TRMT9B: variants seen among roughly 807,000 people sequenced by gnomAD.
TRMT9B encodes tRNA methyltransferase 9B (putative).
In TRMT9B, 16 loss-of-function variants were observed where a neutral mutation model predicts 11.5. The observed-to-expected ratio is 1.39, with a 90% CI of 0.94 to 2.11. The LOEUF is 2.11. Among genes scored for constraint, TRMT9B ranks in the 30% most tolerant of loss-of-function variants. TRMT9B has a pLI of 0.00. For missense variants in TRMT9B, 941 were observed against 553.8 expected, an observed-to-expected ratio of 1.70 and a Z score of -7.02; for synonymous variants, 274 against 192.4, an observed-to-expected ratio of 1.42 and a Z score of -3.51.
chr8:12,949,386 T>G (rs560848047), intron 1 of TRMT9B, among the ~76,000 whole-genome samples: 26 of 152,314 alleles, frequency 1.7e-4, no homozygotes, highest in African/African-American at 5.8e-4. Flanking sequence ...TCCTCCTTTT[T>G]GCTGAGATGT....
intron 1 of TRMT9B, chr8:12,952,343 G>T: frequency 3.1e-6 from 1 of 325,428 alleles, no homozygotes; most frequent in Non-Finnish European, 6.3e-6. Context: ...GCCCGCGCCC[G>T]GGTCTGGCCG....
chr8:12,974,161 C>T (rs983339193), intron 1 of TRMT9B, among the ~76,000 whole-genome samples: 1 of 150,878 alleles, frequency 6.6e-6, no homozygotes, highest in African/African-American at 2.4e-5. Context: ...ACAAGCAAGA[C>T]CCTGTCCCTT....
chr8:13,005,482 C>G (rs1744059530), intron 2 of TRMT9B, among the ~76,000 whole-genome samples: 1 of 152,090 alleles, frequency 6.6e-6, no homozygotes, highest in African/African-American at 2.4e-5. Flanking sequence ...GATGAACACC[C>G]CATTCTCCCT....
At chr8:13,017,830 C>T (rs1399145187) in intron 4 of TRMT9B, among the ~76,000 whole-genome samples, 1 of 151,116 alleles carries the variant, frequency 6.6e-6, no homozygotes, top group Non-Finnish European at 1.5e-5. Flanking sequence ...CACTATGTTG[C>T]CCAGGCTGGT....
At chr8:12,946,002 G>C (rs902980189) in intron 1 of TRMT9B, 36 bp downstream of exon 1, 1 of 152,122 alleles carries the variant, frequency 6.6e-6, no homozygotes, top group African/African-American at 2.4e-5. Flanking sequence ...CATTTTAGTT[G>C]TGATATTTGT....
chr8:13,007,479 G>T (rs1484959820), intron 3 of TRMT9B: 1 of 152,156 alleles, frequency 6.6e-6, no homozygotes, highest in African/African-American at 2.4e-5. Context: ...TAGTTGCAAA[G>T]TGTGTCTAGT....
chr8:12,965,184 C>G (rs200156254), intron 1 of TRMT9B, among the ~76,000 whole-genome samples: 1 of 152,232 alleles, frequency 6.6e-6, no homozygotes, highest in Non-Finnish European at 1.5e-5. Flanking sequence ...GGCACTTACT[C>G]AGAACCAAAA....
At chr8:12,958,194 C>T (rs367611132) in intron 1 of TRMT9B, among the ~76,000 whole-genome samples, 2 of 151,984 alleles carry the variant, frequency 1.3e-5, no homozygotes, top group Non-Finnish European at 2.9e-5. Context: ...GAATAATATC[C>T]CATTGTTTAC....
At chr8:12,986,142 A>T (rs569653914) in intron 1 of TRMT9B, among the ~76,000 whole-genome samples, 1 of 152,158 alleles carries the variant, frequency 6.6e-6, no homozygotes, top group Middle Eastern at 3.2e-3. Flanking sequence ...GATTACAGGC[A>T]TGAGCCACTG....
intron 1 of TRMT9B, among the ~76,000 whole-genome samples, chr8:12,957,720 T>C (rs1801497253): frequency 6.6e-6 from 1 of 152,224 alleles, no homozygotes. Flanking sequence ...GCTAGTATTA[T>C]AGCTTGATTG....
intron 3 of TRMT9B, chr8:13,007,123 T>A (rs1810625618): frequency 6.6e-6 from 1 of 152,272 alleles, no homozygotes; most frequent in Admixed American, 6.5e-5. Flanking sequence ...CCAAATGTGT[T>A]CTCCTCTGGT....
At chr8:12,985,935 A>G (rs541236442) in intron 1 of TRMT9B, among the ~76,000 whole-genome samples, 1 of 152,018 alleles carries the variant, frequency 6.6e-6, no homozygotes, top group South Asian at 2.1e-4. Context: ...ATCTTGGCTC[A>G]CTGCAACCTC....
intron 1 of TRMT9B, among the ~76,000 whole-genome samples, chr8:12,990,529 A>G (rs79594818): frequency 3.4e-3 from 517 of 152,340 alleles, no homozygotes; most frequent in Non-Finnish European, 6.5e-3. Flanking sequence ...TATTTATTTA[A>G]TTAAGCCCCT....
intron 2 of TRMT9B, among the ~76,000 whole-genome samples, chr8:13,002,280 T>G (rs1385080490): frequency 6.6e-6 from 1 of 152,196 alleles, no homozygotes; most frequent in Non-Finnish European, 1.5e-5. Flanking sequence ...CATTTCCAAG[T>G]GCAACAAAGA....
intron 1 of TRMT9B, among the ~76,000 whole-genome samples, chr8:12,966,898 C>A (rs1309584772): frequency 3.3e-5 from 5 of 152,178 alleles, no homozygotes; most frequent in Non-Finnish European, 1.5e-5. Flanking sequence ...CACATTCTTA[C>A]TACCTTGCTT....
At chr8:12,980,693 A>G (rs1359349994) in intron 1 of TRMT9B, among the ~76,000 whole-genome samples, 2 of 152,218 alleles carry the variant, frequency 1.3e-5, no homozygotes, top group Admixed American at 6.5e-5. Flanking sequence ...CGAATCCTAC[A>G]TGGGACACAA....
intron 3 of TRMT9B, among the ~76,000 whole-genome samples, chr8:13,007,968 G>C (rs532484197): frequency 1.3e-5 from 2 of 152,280 alleles, no homozygotes; most frequent in South Asian, 4.1e-4. Flanking sequence ...ATATACAGTT[G>C]ATTGCCATTA....
intron 1 of TRMT9B, among the ~76,000 whole-genome samples, chr8:12,948,736 G>A (rs957646225): frequency 2.6e-5 from 4 of 152,092 alleles, no homozygotes; most frequent in Admixed American, 1.3e-4. Context: ...CAAGGCGGGT[G>A]GATCACGAGG....
chr8:12,983,768 C>T (rs10282817), intron 1 of TRMT9B, among the ~76,000 whole-genome samples: 50,445 of 151,952 alleles, frequency 0.33, 9,428 homozygotes, highest in Middle Eastern at 0.52. Flanking sequence ...TTGCTTCTTG[C>T]CTCAAAAAAT....
Sources: gnomAD v4.1 joint callset for allele counts (sites outside exome capture counted in the v4.1 genomes callset) on GRCh38, gnomAD v4.1.1 for gene constraint, MANE v1.5 for transcripts, NCBI Gene and HGNC (gene_info 2026-07-23, HGNC 2026-07-21) for gene names.